BRSK1: variants seen among roughly 807,000 people sequenced by gnomAD.
BRSK1 encodes the protein BR serine/threonine kinase 1.
In BRSK1, 17 loss-of-function variants were observed where a neutral mutation model predicts 86.2. That is an observed-to-expected ratio of 0.20 (90% confidence interval 0.14 to 0.30). The LOEUF (loss-of-function observed/expected upper bound fraction) is 0.30. Among genes scored for constraint, BRSK1 ranks in the 10% least tolerant of loss-of-function variants. The pLI is 1.00. For synonymous variants in BRSK1, 464 were observed against 440.1 expected (o/e 1.05, Z -0.68); for missense variants, 719 against 1,071.9 (o/e 0.67, Z 4.60).
intron 1 of BRSK1, among the ~76,000 whole-genome samples, chr19:55,284,992 A>C (rs1303385704): frequency 1.5e-5 from 1 of 68,038 alleles, no homozygotes; most frequent in Non-Finnish European, 3.0e-5. Context: ...TCTGAAGGAG[A>C]AGGGCTTGGG....
chr19:55,303,004 GGAA>G lies in BRSK1; in HGVS notation c.1028+138_1028+140del. 8.3e-7 allele frequency: 1 copy of G among 1,198,464 alleles called. No individual in the cohort carries two copies. The highest frequency in any genetic ancestry group is 2.8e-5 in the Admixed American group (1 of 35,632). 74.2% of individuals were successfully genotyped at this position (1,198,464 alleles called of 1,614,324 possible). A position where few individuals can be genotyped will look rare whatever the true frequency, so the allele number is the denominator to read the frequency against. The stretch of plus-strand genomic sequence containing the variant: ...TTTGAAGCTCCCGCCTGGGAGTGAT[GGAA>G]CCAGCGGAGAAAACGGCCCAGAAAC... On this transcript the variant is annotated intron_variant, in intron 10 of 18. Coordinates refer to ENST00000309383, the MANE Select transcript of BRSK1 (RefSeq NM_032430.2). This position sits in a 1 kb window ranked among gnomAD's most constrained non-coding sequence, Gnocchi z 5.1.
At chr19:55,298,124 G>T (rs939546259) in intron 7 of BRSK1, among the ~76,000 whole-genome samples, 1 of 151,530 alleles carries the variant, frequency 6.6e-6, no homozygotes. Context: ...CCACTGTGAG[G>T]GTTTAAATAA....
intron 18 of BRSK1, among the ~76,000 whole-genome samples, chr19:55,311,287 C>T (rs181173406): frequency 4.9e-4 from 74 of 152,236 alleles, no homozygotes; most frequent in Non-Finnish European, 9.4e-4. Flanking sequence ...AAAAGAAAAA[C>T]GAGGTCTCCG....
rs150433882 is a variant in BRSK1 at position 55,294,026 on chromosome 19, C to T, written c.468C>T (p.Asp156=). 2,843 of 1,612,668 alleles carry T rather than the reference C, an allele frequency of 1.8e-3. 5 individuals are homozygous for T. The highest frequency in any genetic ancestry group is 2.4e-3 in the Admixed American group (141 of 59,928). The change falls in exon 5 of 19, where the codon GAC becomes GAT. Residue 156 remains aspartate, a synonymous_variant. Coordinates refer to ENST00000309383, the MANE Select transcript of BRSK1 (RefSeq NM_032430.2). This position sits in a 1 kb window ranked among gnomAD's most constrained non-coding sequence, Gnocchi z 4.9. ...FCHSYSICHR[D]LKPENLLLDE... ...CACCTGGCTGTCTCAGCCACAGAGACCTAAAGCCCGAGAACCTGCTTTTGG... is the reference window on the plus strand; with the variant it reads ...CACCTGGCTGTCTCAGCCACAGAGATCTAAAGCCCGAGAACCTGCTTTTGG...
At chr19:55,296,584 C>T (rs535480733) in intron 7 of BRSK1, among the ~76,000 whole-genome samples, 22 of 152,244 alleles carry the variant, frequency 1.4e-4, no homozygotes, top group East Asian at 1.2e-3. Context: ...CGGTGGCTCA[C>T]GCCTGTAATC....
In BRSK1 at chr19:55,284,183, G is replaced by C. The variant is rs2088273143; in HGVS notation, c.-260G>C. 1 of 912,514 alleles carries C rather than the reference G, an allele frequency of 1.1e-6. No individual in the cohort carries two copies. Among genetic ancestry groups the C allele is most frequent in the East Asian group, 3.4e-5 (1 of 29,698 alleles). The allele number at this position is 912,514 out of a possible 1,614,324, so 56.5% of individuals were successfully genotyped here. On this transcript the variant is annotated 5_prime_UTR_variant, in exon 1 of 19. Transcript: ENST00000309383. ...AGGAAGCGGGGGGCCGGCCAGAAACGGGCTGGGGAGGGGGGGCCCCGCAGC... is the reference window on the plus strand; with the variant it reads ...AGGAAGCGGGGGGCCGGCCAGAAACCGGCTGGGGAGGGGGGGCCCCGCAGC...
Position 55,304,185 on chromosome 19 carries a change from A to C in BRSK1, c.1347+75A>C. 1 of 1,417,698 alleles carries C rather than the reference A, an allele frequency of 7.1e-7. No homozygotes were observed. The highest frequency in any genetic ancestry group is 9.7e-7 in the Non-Finnish European group (1 of 1,030,166). 87.8% of individuals were successfully genotyped at this position (1,417,698 alleles called of 1,614,324 possible). A position where few individuals can be genotyped will look rare whatever the true frequency, so the allele number is the denominator to read the frequency against. On this transcript the variant is annotated intron_variant, in intron 13 of 18. Transcript: ENST00000309383. The surrounding 1 kb of genome is among the most constrained non-coding windows in gnomAD (Gnocchi z 5.2). ...ATGGAGCAAAGATTGAGTAGCAGAA[A>C]CTACAATTCCTGTGCAGTCTTGAGA...
chr19:55,302,815 C>T lies in BRSK1; in HGVS notation c.976C>T (p.Leu326=), dbSNP rs769339374. The change falls in exon 10 of 19, where the codon CTG becomes TTG. Residue 326 remains leucine (L), a synonymous_variant. Transcript: ENST00000309383. The surrounding 1 kb of genome is among the most constrained non-coding windows in gnomAD (Gnocchi z 6.3). ...CGACGTCCTAGAGAGCATGGCATCA[C>T]TGGGCTGCTTCAGGGACCGCGAGAG... ...DPDVLESMAS[L]GCFRDRERLH... 1.9e-6 allele frequency: 3 copies of T among 1,613,764 alleles called. No homozygotes were observed. The highest frequency in any genetic ancestry group is 1.1e-5 in the South Asian group (1 of 91,086).
Position 55,302,665 on chromosome 19 carries a change from C to G in BRSK1, c.858-32C>G. 3 of 1,585,036 alleles carry G rather than the reference C, an allele frequency of 1.9e-6. No homozygotes were observed. The highest frequency in any genetic ancestry group is 2.6e-6 in the Non-Finnish European group (3 of 1,162,090). On this transcript the variant is annotated intron_variant, in intron 9 of 18. Coordinates refer to ENST00000309383, the MANE Select transcript of BRSK1 (RefSeq NM_032430.2). This position sits in a 1 kb window ranked among gnomAD's most constrained non-coding sequence, Gnocchi z 6.3. ...TGAAGAATGCTGAATCTCAGAAGCC[C>G]GGTTCCCAATAATGTTTCTCCACTT...
chr19:55,284,494 C>A lies in BRSK1; in HGVS notation c.52C>A (p.Pro18Thr). 1 of 852,300 alleles carries A rather than the reference C, an allele frequency of 1.2e-6. No individual in the cohort carries two copies. Among genetic ancestry groups the A allele is most frequent in the Non-Finnish European group, 1.7e-6 (1 of 590,780 alleles). The allele number at this position is 852,300 out of a possible 1,614,324, so 52.8% of individuals were successfully genotyped here. A position where few individuals can be genotyped will look rare whatever the true frequency, so the allele number is the denominator to read the frequency against. ...GGGGSPAYHL[P>T]HPHPHPPQHA... ...TGGGGGCTCTCCCGCCTACCACCTCCCCCACCCCCACCCCCACCCACCCCA... is the reference window on the plus strand; with the variant it reads ...TGGGGGCTCTCCCGCCTACCACCTCACCCACCCCCACCCCCACCCACCCCA... Residue 18 changes from proline (P) to threonine (T), a missense_variant, in exon 1 of 19, where the codon CCC (proline) becomes ACC (threonine). Pro to Thr is a conservative substitution (Grantham distance 38). This residue lies in a region of BRSK1 where 71 missense variants were observed against 92.6 expected (regional missense o/e 0.77). Transcript: ENST00000309383.
chr19:55,291,157 A>T (rs2088399618), intron 4 of BRSK1, among the ~76,000 whole-genome samples: 1 of 152,028 alleles, frequency 6.6e-6, no homozygotes, highest in Non-Finnish European at 1.5e-5. Context: ...TTATTGAGAC[A>T]GGGTCTTGCT....
chr19:55,286,188 G>C, intron 1 of BRSK1, among the ~76,000 whole-genome samples: 1 of 145,182 alleles, frequency 6.9e-6, no homozygotes, highest in South Asian at 2.2e-4. Flanking sequence ...GGGAGGAGGG[G>C]CTGGGGTCTG....
intron 3 of BRSK1, among the ~76,000 whole-genome samples, chr19:55,288,957 C>T (rs1340364910): frequency 6.6e-6 from 1 of 152,172 alleles, no homozygotes; most frequent in African/African-American, 2.4e-5. Flanking sequence ...CTGGCTTGGA[C>T]TGGTGCAACC....
Position 55,304,925 on chromosome 19 carries a change from G to C in BRSK1, c.1717+5G>C. The C allele has an allele frequency of 1.2e-6, 2 of 1,606,118 alleles. No individual in the cohort carries two copies. Among genetic ancestry groups the C allele is most frequent in the Non-Finnish European group, 1.7e-6 (2 of 1,179,706 alleles). On this transcript the variant is annotated splice_donor_5th_base_variant and intron_variant, in intron 14 of 18. Transcript: ENST00000309383. This position sits in a 1 kb window ranked among gnomAD's most constrained non-coding sequence, Gnocchi z 5.2. ...TTCACCGGCGCAAGATGCAGGGTATGGGGGCATGAACTGCCGAGTCCTAAT... is the reference window on the plus strand; with the variant it reads ...TTCACCGGCGCAAGATGCAGGGTATCGGGGCATGAACTGCCGAGTCCTAAT...
Position 55,304,445 on chromosome 19 carries a change from C to A in BRSK1, c.1348-106C>A. ...AGGAGGATACTTGGACTACAAGTTG[C>A]AGCATGCACCGGGCCAGCGTCCGTG... is the stretch of plus-strand genomic sequence containing the variant. On this transcript the variant is annotated intron_variant, in intron 13 of 18. Coordinates refer to ENST00000309383, the MANE Select transcript of BRSK1 (RefSeq NM_032430.2). The surrounding 1 kb of genome is among the most constrained non-coding windows in gnomAD (Gnocchi z 5.2). The A allele has an allele frequency of 7.7e-7, 1 of 1,296,668 alleles. No individual in the cohort carries two copies. The allele number at this position is 1,296,668 out of a possible 1,614,324, so 80.3% of individuals were successfully genotyped here.
In BRSK1 at chr19:55,302,990, C is replaced by T. The variant is rs571393535; in HGVS notation, c.1028+123C>T. The T allele has an allele frequency of 3.1e-4, 412 of 1,309,168 alleles. 2 individuals are homozygous for T. The African/African-American group carries it at 5.4e-3, about 17-fold the overall frequency. The allele number at this position is 1,309,168 out of a possible 1,614,324, so 81.1% of individuals were successfully genotyped here. On this transcript the variant is annotated intron_variant, in intron 10 of 18. Transcript: ENST00000309383. The surrounding 1 kb of genome is among the most constrained non-coding windows in gnomAD (Gnocchi z 6.3). ...CTCATGGGGCATGGTTTGAAGCTCC[C>T]GCCTGGGAGTGATGGAACCAGCGGA...
Position 55,284,498 on chromosome 19 carries a change from A to ACCCCCCCCCC in BRSK1, c.61_62insCCCCCCCCCC (p.His21ProfsTer32). ...GGCTCTCCCGCCTACCACCTCCCCC[A>ACCCCCCCCCC]CCCCCACCCCCACCCACCCCAGCAC... On this transcript the variant is annotated frameshift_variant, in exon 1 of 19. Transcript: ENST00000309383. LOFTEE classifies it high-confidence loss of function. 1.5e-5 allele frequency: 6 copies of ACCCCCCCCCC among 403,742 alleles called. No individual in the cohort carries two copies. Among genetic ancestry groups the ACCCCCCCCCC allele is most frequent in the Non-Finnish European group, 2.4e-5 (6 of 251,858 alleles). The allele number at this position is 403,742 out of a possible 1,614,324, so 25.0% of individuals were successfully genotyped here. A position where few individuals can be genotyped will look rare whatever the true frequency, so the allele number is the denominator to read the frequency against.
chr19:55,292,164 C>T (rs1214997382), intron 4 of BRSK1, among the ~76,000 whole-genome samples: 1 of 152,046 alleles, frequency 6.6e-6, no homozygotes, highest in Non-Finnish European at 1.5e-5. Context: ...CAAGTTTGAC[C>T]CAGTTAATGA....
chr19:55,311,831 G>A (rs972101618), intron 18 of BRSK1, 80 bp from the exon 19 acceptor site: 4 of 1,465,980 alleles, frequency 2.7e-6, no homozygotes, highest in Middle Eastern at 1.8e-4. Context: ...CTGATGAGGA[G>A]ACTCTGCCCC....
Sources: gnomAD v4.1 joint callset for allele counts (sites outside exome capture counted in the v4.1 genomes callset) on GRCh38, gnomAD v4.1.1 for gene constraint, gnomAD v4.1.1 regional missense constraint, Gnocchi (gnomAD v3.1) non-coding constraint, MANE v1.5 for transcripts, NCBI Gene and HGNC (gene_info 2026-07-23, HGNC 2026-07-21) for gene names.